Variants in BACE2 observed in about 807,000 individuals in gnomAD.
The protein encoded by BACE2 is 56 kDa aspartic-like protease.
A neutral mutation model predicts 46.2 loss-of-function variants in BACE2; 17 were observed. The observed-to-expected ratio is 0.37, with a 90% CI of 0.25 to 0.55. BACE2 has a LOEUF of 0.55. BACE2 is among the 20% of genes least tolerant of loss of function. The pLI is 0.82. For synonymous variants in BACE2, 277 were observed against 295.9 expected (o/e 0.94, Z 0.66); for missense variants, 595 against 698.1 (o/e 0.85, Z 1.66).
chr21:41,174,295 A>G (rs1293353015), intron 1 of BACE2, among the ~76,000 whole-genome samples: 1 of 151,828 alleles, frequency 6.6e-6, no homozygotes, highest in Non-Finnish European at 1.5e-5. Context: ...GGTGTGTGCC[A>G]CGACAACCAG....
intron 1 of BACE2, among the ~76,000 whole-genome samples, chr21:41,209,151 C>T (rs1394827024): frequency 3.3e-5 from 5 of 152,214 alleles, no homozygotes; most frequent in Admixed American, 1.3e-4. Context: ...ACACCACTGC[C>T]GGTCTGTGTC....
chr21:41,244,594 G>C (rs1156822637), intron 5 of BACE2, among the ~76,000 whole-genome samples: 1 of 75,068 alleles, frequency 1.3e-5, no homozygotes, highest in East Asian at 4.0e-4. Flanking sequence ...CATCAGTTAA[G>C]GCAGGAACCG....
intron 3 of BACE2, among the ~76,000 whole-genome samples, chr21:41,240,295 A>G (rs937005528): frequency 2.6e-5 from 4 of 152,212 alleles, no homozygotes; most frequent in Non-Finnish European, 4.4e-5. Flanking sequence ...TTCTAACACT[A>G]TAGCTGCCTG....
intron 1 of BACE2, among the ~76,000 whole-genome samples, chr21:41,174,294 C>T (rs1984725454): frequency 1.3e-5 from 2 of 151,768 alleles, no homozygotes; most frequent in African/African-American, 4.8e-5. Flanking sequence ...AGGTGTGTGC[C>T]ACGACAACCA....
intron 1 of BACE2, chr21:41,177,702 GA>G (rs1382139578): frequency 6.6e-6 from 1 of 152,198 alleles, no homozygotes; most frequent in Non-Finnish European, 1.5e-5. Context: ...TCTTCGTTTA[GA>G]AAAAGTGGCA....
chr21:41,184,434 T>G (rs1159461788), intron 1 of BACE2: 1 of 167,158 alleles, frequency 6.0e-6, no homozygotes, highest in Non-Finnish European at 1.5e-5. Flanking sequence ...TAAGCTTTTC[T>G]GGTTTATCTG....
chr21:41,202,110 A>C (rs912820708), intron 1 of BACE2, among the ~76,000 whole-genome samples: 1 of 152,214 alleles, frequency 6.6e-6, no homozygotes, highest in Non-Finnish European at 1.5e-5. Flanking sequence ...ATTATTTTCA[A>C]AAGTCTTTGT....
At chr21:41,174,198 A>G (rs1984720330) in intron 1 of BACE2, among the ~76,000 whole-genome samples, 1 of 132,180 alleles carries the variant, frequency 7.6e-6, no homozygotes, top group Admixed American at 8.8e-5. Flanking sequence ...GCTGGAGTAC[A>G]GTGGCCTGAT....
At chr21:41,178,921 G>T in intron 1 of BACE2, 2 of 361,486 alleles carry the variant, frequency 5.5e-6, no homozygotes, top group Non-Finnish European at 1.0e-5. Flanking sequence ...AAGGGGTATT[G>T]GTGAAAGAAT....
At chr21:41,236,949 C>G (rs112031152) in intron 2 of BACE2, among the ~76,000 whole-genome samples, 2,126 of 152,304 alleles carry the variant, frequency 0.014, 46 homozygotes, top group African/African-American at 0.047. Context: ...TACACCAGTG[C>G]GTCCCTTCCA....
Position 41,219,612 on chromosome 21 carries a change from T to A in BACE2, c.313-6654T>A, listed in dbSNP as rs941261834. Reference sequence around the variant, plus strand: ...GAGAACCCTGTCCTTCAGGAATATCTGGTTCAACCAGACTGACCTAGGGAC... The same window carrying A: ...GAGAACCCTGTCCTTCAGGAATATCAGGTTCAACCAGACTGACCTAGGGAC... On this transcript the variant is annotated intron_variant, in intron 1 of 8. Transcript: ENST00000330333. Among the ~76,000 whole-genome samples, 4 of 152,314 alleles carry A rather than the reference T, an allele frequency of 2.6e-5. No individual in the cohort carries two copies. The East Asian group carries it at 5.8e-4, about 22-fold the overall frequency.
At chr21:41,199,382 G>A (rs1017424164) in intron 1 of BACE2, among the ~76,000 whole-genome samples, 5 of 152,066 alleles carry the variant, frequency 3.3e-5, no homozygotes, top group African/African-American at 1.2e-4. Context: ...GAAGAACTGA[G>A]CTCTGCTGGC....
chr21:41,212,600 G>T (rs1162702168), intron 1 of BACE2, among the ~76,000 whole-genome samples: 1 of 152,200 alleles, frequency 6.6e-6, no homozygotes, highest in Non-Finnish European at 1.5e-5. Flanking sequence ...CCCCACCAAG[G>T]ACTTCTGGGG....
chr21:41,247,569 G>A (rs538664847), intron 6 of BACE2, among the ~76,000 whole-genome samples: 1 of 152,386 alleles, frequency 6.6e-6, no homozygotes, highest in East Asian at 1.9e-4. Context: ...GGAAAAGTCT[G>A]TCCACCATCC....
At chr21:41,263,582 G>A (rs1168578239) in intron 8 of BACE2, among the ~76,000 whole-genome samples, 2 of 152,090 alleles carry the variant, frequency 1.3e-5, no homozygotes, top group African/African-American at 4.8e-5. Flanking sequence ...CCTCAATTCC[G>A]AATCACAATT....
intron 7 of BACE2, among the ~76,000 whole-genome samples, chr21:41,254,551 CAG>C (rs1180346118): frequency 2.0e-5 from 3 of 152,216 alleles, no homozygotes; most frequent in Admixed American, 6.5e-5. Flanking sequence ...TTTCTCCAAA[CAG>C]GGGCATTTTG....
At chr21:41,240,624 G>T (rs142851007) in intron 3 of BACE2, among the ~76,000 whole-genome samples, 1,799 of 152,318 alleles carry the variant, frequency 0.012, 29 homozygotes, top group African/African-American at 0.039. Flanking sequence ...TCTCAAGAAG[G>T]TGGGTAGAAC....
At chr21:41,243,993 T>G (rs1416542104) in intron 5 of BACE2, among the ~76,000 whole-genome samples, 1 of 152,178 alleles carries the variant, frequency 6.6e-6, no homozygotes, top group African/African-American at 2.4e-5. Context: ...TGTATAGATG[T>G]GTGTGGCTTG....
intron 5 of BACE2, among the ~76,000 whole-genome samples, chr21:41,244,051 A>G (rs1987382744): frequency 6.6e-6 from 1 of 152,126 alleles, no homozygotes; most frequent in Non-Finnish European, 1.5e-5. Flanking sequence ...AAACCTCAGG[A>G]CCATGTTCAT....
Sources: gnomAD v4.1 joint callset for allele counts (sites outside exome capture counted in the v4.1 genomes callset) on GRCh38, gnomAD v4.1.1 for gene constraint, MANE v1.5 for transcripts, NCBI Gene and HGNC (gene_info 2026-07-23, HGNC 2026-07-21) for gene names.